Variants in DOCK1 observed in about 807,000 individuals in gnomAD.
The protein encoded by DOCK1 is dedicator of cytokinesis protein 1.
A neutral mutation model predicts 262.7 loss-of-function variants in DOCK1; 138 were observed. The observed-to-expected ratio is 0.53, with a 90% CI of 0.46 to 0.61. DOCK1 has a LOEUF of 0.61. Among genes scored for constraint, DOCK1 ranks in the 20% least tolerant of loss-of-function variants. The probability of loss-of-function intolerance (pLI) is 0.00; values close to 1 mark genes in which losing one functional copy is unlikely to be tolerated. For synonymous variants in DOCK1, 866 were observed against 867.4 expected (o/e 1.00, Z 0.03); for missense variants, 1,908 against 2,370.7 (o/e 0.80, Z 4.05).
At chr10:127,318,805 A>G (rs530510560) in intron 29 of DOCK1, among the ~76,000 whole-genome samples, 1 of 152,310 alleles carries the variant, frequency 6.6e-6, no homozygotes, top group South Asian at 2.1e-4. Context: ...CAGCAAACCT[A>G]TAACTGGGCC....
intron 29 of DOCK1, among the ~76,000 whole-genome samples, chr10:127,301,290 T>C (rs1363093006): frequency 1.3e-5 from 2 of 152,162 alleles, no homozygotes; most frequent in Non-Finnish European, 2.9e-5. Context: ...CCGGGCTGCT[T>C]TTCACATCAG....
intron 23 of DOCK1, among the ~76,000 whole-genome samples, chr10:127,073,847 A>C (rs76127101): frequency 1.6e-3 from 248 of 152,324 alleles, no homozygotes; most frequent in African/African-American, 5.6e-3. Context: ...AAGCCAGTGC[A>C]AATTGGCGAC....
At chr10:127,124,553 C>T (rs1267189882) in intron 25 of DOCK1, among the ~76,000 whole-genome samples, 2 of 152,200 alleles carry the variant, frequency 1.3e-5, no homozygotes, top group Non-Finnish European at 2.9e-5. Flanking sequence ...TCTGAACATC[C>T]TTCCTCTGCT....
intron 17 of DOCK1, 46 bp from the exon 18 acceptor site, chr10:127,032,091 G>T (rs778545223): frequency 6.4e-7 from 1 of 1,557,116 alleles, no homozygotes; most frequent in Non-Finnish European, 8.7e-7. Flanking sequence ...ATGGTGTGTT[G>T]CTGTTTGTGA....
At chr10:127,317,208 T>C (rs2062322819) in intron 29 of DOCK1, among the ~76,000 whole-genome samples, 1 of 152,232 alleles carries the variant, frequency 6.6e-6, no homozygotes, top group African/African-American at 2.4e-5. Context: ...AGGACACACC[T>C]TGTATTCTTA....
intron 1 of DOCK1, among the ~76,000 whole-genome samples, chr10:126,940,282 T>G (rs2034886153): frequency 1.3e-5 from 2 of 152,226 alleles, no homozygotes; most frequent in Admixed American, 1.3e-4. Context: ...GAGAATAATT[T>G]GGAATAAAAC....
chr10:127,308,140 G>A (rs546252208), intron 29 of DOCK1, among the ~76,000 whole-genome samples: 3 of 152,312 alleles, frequency 2.0e-5, no homozygotes, highest in East Asian at 1.9e-4. Flanking sequence ...GTGGAAATTC[G>A]GAAACCACAT....
At chr10:127,096,040 T>C (rs759135375) in intron 23 of DOCK1, among the ~76,000 whole-genome samples, 13 of 152,236 alleles carry the variant, frequency 8.5e-5, no homozygotes, top group Non-Finnish European at 4.4e-5. Context: ...TTAAGGAAGC[T>C]GATTACAAAG....
intron 40 of DOCK1, among the ~76,000 whole-genome samples, chr10:127,406,205 G>A (rs1050344672): frequency 4.6e-5 from 7 of 152,140 alleles, no homozygotes; most frequent in African/African-American, 9.7e-5. Flanking sequence ...CTCTGGATCC[G>A]TGCAGGATGG....
intron 23 of DOCK1, among the ~76,000 whole-genome samples, chr10:127,085,271 C>T (rs1235088722): frequency 6.6e-6 from 1 of 152,150 alleles, no homozygotes; most frequent in African/African-American, 2.4e-5. Context: ...TACTTTTGAG[C>T]CCTCTGGTAT....
At chr10:127,251,977 G>T (rs893142901) in intron 28 of DOCK1, among the ~76,000 whole-genome samples, 10 of 152,214 alleles carry the variant, frequency 6.6e-5, no homozygotes, top group Middle Eastern at 3.4e-3. Flanking sequence ...TTCCACATTG[G>T]TTGAACTAGT....
chr10:127,112,775 GT>G (rs2048944554), intron 25 of DOCK1, among the ~76,000 whole-genome samples: 1 of 152,194 alleles, frequency 6.6e-6, no homozygotes, highest in South Asian at 2.1e-4. Context: ...ATCAGTAGAA[GT>G]TGTCTAAGCT....
At chr10:127,263,390 A>G (rs1017283471) in intron 29 of DOCK1, among the ~76,000 whole-genome samples, 4 of 27,136 alleles carry the variant, frequency 1.5e-4, no homozygotes, top group African/African-American at 1.1e-3. Context: ...TTGTAAATCA[A>G]GAATCAAAAT....
At chr10:127,091,957 G>C (rs533406437) in intron 23 of DOCK1, among the ~76,000 whole-genome samples, 37 of 152,260 alleles carry the variant, frequency 2.4e-4, no homozygotes, top group Non-Finnish European at 4.6e-4. Context: ...ATGAATTTCA[G>C]GATAAAAAGA....
chr10:127,356,481 G>A (rs118033735), intron 32 of DOCK1, among the ~76,000 whole-genome samples: 1 of 152,170 alleles, frequency 6.6e-6, no homozygotes, highest in African/African-American at 2.4e-5. Flanking sequence ...AGGACCATCC[G>A]TGATTCATTC....
intron 29 of DOCK1, among the ~76,000 whole-genome samples, chr10:127,330,264 CT>C (rs769437330): frequency 1.3e-5 from 2 of 152,160 alleles, no homozygotes; most frequent in Admixed American, 6.5e-5. Context: ...GCAAAATTTT[CT>C]TTAAAGAACC....
chr10:126,941,494 T>G (rs916823132), intron 1 of DOCK1, among the ~76,000 whole-genome samples: 1 of 152,166 alleles, frequency 6.6e-6, no homozygotes, highest in East Asian at 1.9e-4. Context: ...CAGTGGCTCA[T>G]GCCTGTAATC....
chr10:127,346,094 T>A (rs1310255022), intron 31 of DOCK1, among the ~76,000 whole-genome samples: 1 of 152,156 alleles, frequency 6.6e-6, no homozygotes, highest in Non-Finnish European at 1.5e-5. Context: ...CGCTATTGGG[T>A]GAAGCTGGGA....
rs1285413497 is a variant in DOCK1 at position 127,032,419 on chromosome 10, T to C, written c.1912+99T>C. 3.9e-6 allele frequency: 5 copies of C among 1,284,746 alleles called. No homozygotes were observed. In the Admixed American group the frequency reaches 1.3e-4, roughly 34 times the overall value. The allele number at this position is 1,284,746 out of a possible 1,614,324, so 79.6% of individuals were successfully genotyped here. On this transcript the variant is annotated intron_variant, in intron 18 of 51. Transcript: ENST00000623213. ...TGTGGAGGTGTGCTCCGTAGGTGCA[T>C]GAACGTCACCCATAAGGCATTCATT...
Sources: allele counts gnomAD v4.1 joint callset (sites outside exome capture counted in the v4.1 genomes callset), GRCh38; gene constraint gnomAD v4.1.1; transcripts MANE v1.5; gene names NCBI Gene and HGNC (gene_info 2026-07-23, HGNC 2026-07-21).